The following TBL1X variants were observed in gnomAD, a reference collection of about 807,000 sequenced individuals.
The protein encoded by TBL1X is transducin beta like 1 X-linked.
A neutral mutation model predicts 50.7 loss-of-function variants in TBL1X; 10 were observed. The observed-to-expected ratio is 0.20, with a 90% confidence interval of 0.12 to 0.33. The LOEUF (loss-of-function observed/expected upper bound fraction) is 0.33. Ranked by LOEUF, TBL1X falls within the 10% of genes least tolerant of loss-of-function variation. The probability of loss-of-function intolerance (pLI) is 1.00; values close to 1 mark genes in which losing one functional copy is unlikely to be tolerated. For synonymous variants in TBL1X, 190 were observed against 214.7 expected (o/e 0.88, Z 1.01); for missense variants, 340 against 504.4 (o/e 0.67, Z 3.12).
At chrX:9,575,489 A>C (rs5934651) in intron 2 of TBL1X, among the ~76,000 whole-genome samples, 9,146 of 111,284 alleles carry the variant, frequency 0.082, 293 homozygotes, top group Middle Eastern at 0.12. Flanking sequence ...CATTTCACTG[A>C]GCATTGTGTT....
chrX:9,692,017 G>A (rs769924371), intron 8 of TBL1X, 96 bp from the exon 9 acceptor site: 1 of 1,151,124 alleles, frequency 8.7e-7, no homozygotes, highest in Non-Finnish European at 1.2e-6. Flanking sequence ...AGAAGAGCAT[G>A]TGCTGAAGAT....
At chrX:9,663,114 C>T (rs1281067243) in intron 5 of TBL1X, among the ~76,000 whole-genome samples, 2 of 110,832 alleles carry the variant, frequency 1.8e-5, no homozygotes, top group Non-Finnish European at 1.9e-5. Context: ...AAGAGAGAAC[C>T]ACCTGTATTC....
chrX:9,510,512 G>A (rs1291964494), intron 2 of TBL1X, among the ~76,000 whole-genome samples: 1 of 105,547 alleles, frequency 9.5e-6, no homozygotes, highest in Non-Finnish European at 2.0e-5. Flanking sequence ...GCAGACTGTG[G>A]CCCACGGGGC....
intron 2 of TBL1X, among the ~76,000 whole-genome samples, chrX:9,549,223 G>A (rs2082259561): frequency 8.9e-6 from 1 of 112,479 alleles, no homozygotes; most frequent in African/African-American, 3.2e-5. Context: ...AGCTAGGTCT[G>A]TGGCCAGGAG....
chrX:9,664,553 CT>C (rs1454095296), intron 5 of TBL1X, among the ~76,000 whole-genome samples: 2 of 110,952 alleles, frequency 1.8e-5, no homozygotes, highest in Non-Finnish European at 3.8e-5. Flanking sequence ...TCTGGGTGGG[CT>C]GCATTTTTAC....
At chrX:9,548,847 C>CT (rs1017476317) in intron 2 of TBL1X, among the ~76,000 whole-genome samples, 1 of 112,700 alleles carries the variant, frequency 8.9e-6, no homozygotes, top group African/African-American at 3.2e-5. Context: ...AACCTGGGAC[C>CT]TTTTGTGTTT....
chrX:9,597,417 A>G (rs2521403), intron 2 of TBL1X, among the ~76,000 whole-genome samples: 23 of 111,647 alleles, frequency 2.1e-4, no homozygotes, highest in Non-Finnish European at 4.3e-4. Flanking sequence ...CTGCCACTGA[A>G]GTTCCTTTTG....
rs767647097 is a variant in TBL1X at position 9,610,489 on chromosome X, GTATC to G, written c.-130-29780_-130-29777del. ...TGTATTTTTCACATGAATTAATTGA[GTATC>G]TATTATGTGGCAAGCTCTGTGCTGT... On this transcript the variant is annotated intron_variant, in intron 2 of 17. Transcript: ENST00000645353. Among the ~76,000 whole-genome samples, 6 of 112,423 alleles carry G rather than the reference GTATC, an allele frequency of 5.3e-5. No individual in the cohort carries two copies. The South Asian group carries it at 2.2e-3, about 41-fold the overall frequency.
At chrX:9,590,408 A>G (rs2082494062) in intron 2 of TBL1X, among the ~76,000 whole-genome samples, 1 of 111,892 alleles carries the variant, frequency 8.9e-6, no homozygotes, top group Non-Finnish European at 1.9e-5. Flanking sequence ...TAAGTAAAAA[A>G]AACATAAAAA....
chrX:9,600,424 C>T (rs1569071142), intron 2 of TBL1X, among the ~76,000 whole-genome samples: 1 of 86,485 alleles, frequency 1.2e-5, no homozygotes, highest in East Asian at 3.9e-4. Context: ...TACCTCCCAA[C>T]ACCATCATAT....
At chrX:9,707,256 T>G (rs991709598) in intron 13 of TBL1X, among the ~76,000 whole-genome samples, 4 of 111,466 alleles carry the variant, frequency 3.6e-5, no homozygotes, top group African/African-American at 1.3e-4. Context: ...CAGGGGTCCC[T>G]GTCCCAAAGG....
intron 13 of TBL1X, among the ~76,000 whole-genome samples, chrX:9,705,603 A>G (rs1014905770): frequency 5.5e-5 from 6 of 109,661 alleles, no homozygotes; most frequent in African/African-American, 2.0e-4. Context: ...AAAAATTTTA[A>G]AAAGTAGCTG....
intron 2 of TBL1X, among the ~76,000 whole-genome samples, chrX:9,585,763 C>G (rs1026923453): frequency 9.0e-6 from 1 of 111,492 alleles, no homozygotes; most frequent in Admixed American, 9.5e-5. Flanking sequence ...TATCCAAATT[C>G]CCCACCTTAA....
intron 5 of TBL1X, among the ~76,000 whole-genome samples, chrX:9,661,524 G>A (rs774018147): frequency 7.3e-5 from 8 of 109,512 alleles, no homozygotes; most frequent in Non-Finnish European, 9.6e-5. Context: ...GACCCTGTCT[G>A]AAAAAAAAAG....
At chrX:9,675,518 A>G (rs1166338545) in intron 5 of TBL1X, among the ~76,000 whole-genome samples, 1 of 111,772 alleles carries the variant, frequency 8.9e-6, no homozygotes, top group African/African-American at 3.3e-5. Flanking sequence ...ACCAGGGAAA[A>G]TGCTTATAGT....
At chrX:9,526,651 C>T (rs1191695524) in intron 2 of TBL1X, among the ~76,000 whole-genome samples, 1 of 112,187 alleles carries the variant, frequency 8.9e-6, no homozygotes, top group East Asian at 2.8e-4. Context: ...GGCAACTATT[C>T]ACCTCTGCAA....
intron 2 of TBL1X, chrX:9,636,450 ATGT>A: frequency 9.4e-6 from 1 of 106,496 alleles, no homozygotes; most frequent in East Asian, 3.0e-4. Flanking sequence ...GGTTAATTTT[ATGT>A]TGTTACTTTT....
In TBL1X at chrX:9,689,740, G is replaced by A. The variant is rs147237771; in HGVS notation, c.616+1465G>A. ...GAGTTACCAGGCCCCCTGCCACTGC[G>A]TGGCTGGCTAAGATGCCAGTTTCCC... On this transcript the variant is annotated intron_variant, in intron 7 of 17. Transcript: ENST00000645353. Among the ~76,000 whole-genome samples, 733 of 112,934 alleles carry A rather than the reference G, an allele frequency of 6.5e-3. 6 individuals carry two copies. The highest frequency in any genetic ancestry group is 0.022 in the African/African-American group (693 of 31,119).
chrX:9,684,974 CAG>C (rs1263866631), intron 6 of TBL1X, among the ~76,000 whole-genome samples: 1 of 112,544 alleles, frequency 8.9e-6, no homozygotes, highest in Non-Finnish European at 1.9e-5. Context: ...TGCGTCAGGG[CAG>C]AGAGGTGATG....
Sources: allele counts gnomAD v4.1 joint callset (sites outside exome capture counted in the v4.1 genomes callset), GRCh38; gene constraint gnomAD v4.1.1; transcripts MANE v1.5; gene names NCBI Gene and HGNC (gene_info 2026-07-23, HGNC 2026-07-21).